FBXW11: variants seen among roughly 807,000 people sequenced by gnomAD.
The protein encoded by FBXW11 is F-box and WD repeat domain containing 11.
FBXW11 carries 19 observed loss-of-function variants against 77.6 expected under a neutral mutation model. The observed-to-expected ratio is 0.24, with a 90% CI of 0.17 to 0.36. The LOEUF is 0.36. FBXW11 is among the 10% of genes least tolerant of loss of function. FBXW11 has a pLI of 1.00. For synonymous variants in FBXW11, 235 were observed against 249.4 expected, an observed-to-expected ratio of 0.94 and a Z score of 0.54; for missense variants, 334 against 704.2, an observed-to-expected ratio of 0.47 and a Z score of 5.95.
rs201355778 is a variant in FBXW11, at chr5:171,999,403, AT to A, written c.45+7054del. ...TCCCTTCCCTTCAAAAAAAAAAAATATATATATATATACACACACATATATA... is the reference window on the plus strand; with the variant it reads ...TCCCTTCCCTTCAAAAAAAAAAAATAATATATATATACACACACATATATA... On this transcript the variant is annotated intron_variant, in intron 1 of 13. Transcript: ENST00000517395. 5.8e-4 allele frequency among the ~76,000 whole-genome samples: 60 copies of A among 103,064 alleles called. No individual in the cohort carries two copies. The African/African-American group carries it at 6.4e-3, about 11-fold the overall frequency. 67.6% of individuals were successfully genotyped at this position (103,064 alleles called of 152,430 possible).
chr5:171,901,549 T>C (rs1420738575), intron 4 of FBXW11, among the ~76,000 whole-genome samples: 1 of 152,180 alleles, frequency 6.6e-6, no homozygotes, highest in Non-Finnish European at 1.5e-5. Context: ...AGACCCAAGC[T>C]ATGGTCTAAG....
At chr5:171,899,245 T>A (rs1346424576) in intron 5 of FBXW11, 151 bp from the exon 6 acceptor site, 1 of 575,094 alleles carries the variant, frequency 1.7e-6, no homozygotes. Context: ...CAAATTTACA[T>A]GTTACAGACA....
intron 6 of FBXW11, among the ~76,000 whole-genome samples, chr5:171,896,547 C>T (rs1357886679): frequency 6.6e-6 from 1 of 152,086 alleles, no homozygotes; most frequent in African/African-American, 2.4e-5. Flanking sequence ...ATAAAACATG[C>T]CTCTTTCTCC....
Position 171,876,225 on chromosome 5 carries a change from C to G in FBXW11, c.1221+60G>C. 1 of 1,597,376 alleles carries G rather than the reference C, an allele frequency of 6.3e-7. No individual in the cohort carries two copies. Among genetic ancestry groups the G allele is most frequent in the South Asian group, 1.1e-5 (1 of 88,310 alleles). On this transcript the variant is annotated intron_variant, in intron 9 of 13. Coordinates refer to ENST00000517395, the MANE Select transcript of FBXW11 (RefSeq NM_001378974.1). This position sits in a 1 kb window ranked among gnomAD's most constrained non-coding sequence, Gnocchi z 4.2. ...ACCAGGTTGGTATAAGCCACCTCTG[C>G]TTTGTCTCTGTTCTAAAAGGGACAG...
At chr5:171,947,554 AC>A (rs1763077914) in intron 2 of FBXW11, among the ~76,000 whole-genome samples, 3 of 151,856 alleles carry the variant, frequency 2.0e-5, no homozygotes, top group Admixed American at 2.0e-4. Context: ...AAAAAAAAAA[AC>A]AAGGTCCACT....
At chr5:171,882,627 CTT>C (rs1350154435) in intron 7 of FBXW11, among the ~76,000 whole-genome samples, 7 of 152,130 alleles carry the variant, frequency 4.6e-5, no homozygotes, top group South Asian at 4.2e-4. Context: ...TAAAATTTCT[CTT>C]GAGATTTCTT....
rs1758060317 is a variant in FBXW11, at chr5:171,876,042, A to G, written c.1221+243T>C. 6.6e-6 allele frequency among the ~76,000 whole-genome samples: 1 copy of G among 152,186 alleles called. No homozygotes were observed. The highest frequency in any genetic ancestry group is 6.5e-5 in the Admixed American group (1 of 15,278). On this transcript the variant is annotated intron_variant, in intron 9 of 13. Transcript: ENST00000517395. The surrounding 1 kb of genome is among the most constrained non-coding windows in gnomAD (Gnocchi z 4.2). ...CAACACGTTAGCACTCTTCCCCTTA[A>G]AAAGGTGATCAAGAATTTCATGTCA... is the stretch of plus-strand genomic sequence containing the variant.
At chr5:171,990,098 T>A (rs1765652666) in intron 1 of FBXW11, among the ~76,000 whole-genome samples, 3 of 140,508 alleles carry the variant, frequency 2.1e-5, no homozygotes, top group Admixed American at 7.4e-5. Flanking sequence ...AAAGACAGAG[T>A]AAGAGAGGGA....
intron 6 of FBXW11, among the ~76,000 whole-genome samples, chr5:171,894,587 G>A (rs538646576): frequency 6.6e-6 from 1 of 151,946 alleles, no homozygotes; most frequent in East Asian, 1.9e-4. Flanking sequence ...AAGGCCACCG[G>A]CACAAGAAAG....
At chr5:171,903,677 A>C (rs1359231852) in intron 4 of FBXW11, among the ~76,000 whole-genome samples, 1 of 151,700 alleles carries the variant, frequency 6.6e-6, no homozygotes, top group Non-Finnish European at 1.5e-5. Context: ...ACAGCATCTC[A>C]CTCTGTTGCC....
At position 171,899,057 on chromosome 5, in the gene FBXW11, G is replaced by A. The variant is rs761056749; in HGVS notation, c.661C>T (p.Pro221Ser). 6 of 1,608,918 alleles carry A rather than the reference G, an allele frequency of 3.7e-6. No individual in the cohort carries two copies. The highest frequency in any genetic ancestry group is 1.7e-4 in the Middle Eastern group (1 of 5,942). Reference sequence around the variant, plus strand: ...AATGACCTATAAAATGAATTTGGAGGGCCATCTGTGGGTCTGTTTTTAAAC... The same window carrying A: ...AATGACCTATAAAATGAATTTGGAGAGCCATCTGTGGGTCTGTTTTTAAAC... ...YLFKNRPTDG[P>S]PNSFYRSLYP... The change falls in exon 6 of 14, where the codon CCT (proline) becomes TCT (serine). Residue 221 changes from proline (P) to serine (S), a missense_variant. Pro to Ser is a moderately conservative substitution (Grantham distance 74). This residue lies in a region of FBXW11 where 19 missense variants were observed against 16.0 expected (regional missense o/e 1.19). Transcript: ENST00000517395.
intron 2 of FBXW11, among the ~76,000 whole-genome samples, chr5:171,933,894 A>C (rs1581222384): frequency 1.3e-5 from 2 of 152,222 alleles, no homozygotes; most frequent in African/African-American, 4.8e-5. Context: ...AAACTCCTAC[A>C]TATAAAAGAA....
intron 3 of FBXW11, among the ~76,000 whole-genome samples, chr5:171,912,257 G>A (rs999039635): frequency 4.6e-5 from 7 of 152,094 alleles, no homozygotes; most frequent in Non-Finnish European, 8.8e-5. Context: ...TTATCCTAGC[G>A]CCCCACTGTC....
chr5:171,998,353 T>TTTTTTTTTTTTTTTTTAGGG (rs1561762294), intron 1 of FBXW11, among the ~76,000 whole-genome samples: 1 of 148,144 alleles, frequency 6.8e-6, no homozygotes, highest in African/African-American at 2.5e-5. Flanking sequence ...TTTTTTTTTT[T>TTTTTTTTTTTTTTTTTAGGG]AAGTAGAGAC....
chr5:171,971,450 CT>C (rs1342141149), intron 1 of FBXW11, among the ~76,000 whole-genome samples: 3 of 152,128 alleles, frequency 2.0e-5, no homozygotes, highest in East Asian at 1.9e-4. Context: ...AACTTTACCC[CT>C]GACTTCATCT....
At chr5:171,902,589 A>G (rs1297988320) in intron 4 of FBXW11, among the ~76,000 whole-genome samples, 1 of 152,108 alleles carries the variant, frequency 6.6e-6, no homozygotes, top group African/African-American at 2.4e-5. Context: ...CCCCAAAAAC[A>G]CCTTCTCCAG....
chr5:171,944,562 G>A lies in FBXW11; in HGVS notation c.147+13035C>T, dbSNP rs1349741204. The stretch of plus-strand genomic sequence containing the variant: ...ACTGCACTCCAGCCTGGGCGACAGC[G>A]AGACTCCATCTCAAAAAAAAAAAAA... On this transcript the variant is annotated intron_variant, in intron 2 of 13. Transcript: ENST00000517395. 1.3e-4 allele frequency among the ~76,000 whole-genome samples: 14 copies of A among 110,048 alleles called. No homozygotes were observed. In the East Asian group the frequency reaches 2.4e-3, roughly 19 times the overall value. 72.2% of individuals were successfully genotyped at this position (110,048 alleles called of 152,430 possible).
In FBXW11 at chr5:171,878,588, GTGTA is replaced by G. The variant is rs1386049154; in HGVS notation, c.853-463_853-460del. ...TGTGTGTGTGTGTGTGTGTGTGTGT[GTGTA>G]AGAGAGAGAGAGTGTGTGTGTGTGT... On this transcript the variant is annotated intron_variant, in intron 7 of 13. Coordinates refer to ENST00000517395, the MANE Select transcript of FBXW11 (RefSeq NM_001378974.1). Among the ~76,000 whole-genome samples, 203 of 67,052 alleles carry G rather than the reference GTGTA, an allele frequency of 3.0e-3. 2 individuals carry two copies. Among genetic ancestry groups the G allele is most frequent in the African/African-American group, 5.6e-3 (142 of 25,526 alleles). The allele number at this position is 67,052 out of a possible 152,430, so 44.0% of individuals were successfully genotyped here. A position where few individuals can be genotyped will look rare whatever the true frequency, so the allele number is the denominator to read the frequency against.
intron 6 of FBXW11, 107 bp from the exon 7 acceptor site, chr5:171,891,711 T>A (rs1759361043): frequency 9.0e-7 from 1 of 1,114,660 alleles, no homozygotes. Context: ...GATACCCCAA[T>A]CTTGGTTTGC....
Sources: gnomAD v4.1 joint callset for allele counts (sites outside exome capture counted in the v4.1 genomes callset) on GRCh38, gnomAD v4.1.1 for gene constraint, gnomAD v4.1.1 regional missense constraint, Gnocchi (gnomAD v3.1) non-coding constraint, MANE v1.5 for transcripts, NCBI Gene and HGNC (gene_info 2026-07-23, HGNC 2026-07-21) for gene names.